The following DAW1 variants were observed in gnomAD, a reference collection of about 807,000 sequenced individuals.
DAW1 encodes dynein assembly factor with WD repeat domains 1.
A neutral mutation model predicts 56.5 loss-of-function variants in DAW1; 47 were observed. That is an observed-to-expected ratio of 0.83 (90% confidence interval 0.66 to 1.06). DAW1 has a LOEUF of 1.06. Ranked by LOEUF, DAW1 falls within the 50% of genes least tolerant of loss-of-function variation. The probability of loss-of-function intolerance (pLI) is 0.00; values close to 1 mark genes in which losing one functional copy is unlikely to be tolerated. For synonymous variants in DAW1, 190 were observed against 179.0 expected, an observed-to-expected ratio of 1.06 and a Z score of -0.49; for missense variants, 505 against 499.3, an observed-to-expected ratio of 1.01 and a Z score of -0.11.
intron 1 of DAW1, among the ~76,000 whole-genome samples, chr2:227,876,020 CTTT>C (rs5839239): frequency 2.0e-5 from 3 of 147,814 alleles, no homozygotes; most frequent in Non-Finnish European, 3.0e-5. Flanking sequence ...AGGATTCTCT[CTTT>C]TTTTTTTTTT....
chr2:227,913,881 A>ATCTATCTATCTATCTG (rs79833260), intron 10 of DAW1, among the ~76,000 whole-genome samples: 119 of 120,494 alleles, frequency 9.9e-4, no homozygotes, highest in African/African-American at 3.4e-3. Context: ...ATATCTATCT[A>ATCTATCTATCTATCTG]TCTGTCTGTC....
At chr2:227,896,472 CCA>C (rs1691408263) in intron 5 of DAW1, among the ~76,000 whole-genome samples, 1 of 152,082 alleles carries the variant, frequency 6.6e-6, no homozygotes. Flanking sequence ...ACCCACGTGT[CCA>C]ATCAGTTATC....
intron 8 of DAW1, 66 bp from the exon 9 acceptor site, chr2:227,906,170 C>A (rs1348056672): frequency 7.7e-7 from 1 of 1,295,862 alleles, no homozygotes; most frequent in African/African-American, 1.5e-5. Context: ...GGCTTGGCCT[C>A]ATTATTCATG....
Position 227,924,237 on chromosome 2 carries a change from C to G in DAW1, c.*269C>G, listed in dbSNP as rs146418507. The G allele has an allele frequency of 2.2e-6, 1 of 460,964 alleles. No individual in the cohort carries two copies. Among genetic ancestry groups the G allele is most frequent in the Admixed American group, 3.5e-5 (1 of 28,666 alleles). The allele number at this position is 460,964 out of a possible 1,614,324, so 28.6% of individuals were successfully genotyped here. On this transcript the variant is annotated 3_prime_UTR_variant, in exon 13 of 13. Transcript: ENST00000309931. ...TTCAGTTGTGTTTGTTTTTTAAAAG[C>G]ATTATGATACTGAAAAAGGAGACCA...
At chr2:227,911,265 T>C (rs1286292124) in intron 10 of DAW1, among the ~76,000 whole-genome samples, 2 of 147,490 alleles carry the variant, frequency 1.4e-5, no homozygotes, top group Admixed American at 6.8e-5. Context: ...CACGTGTATA[T>C]ACACATATAC....
rs1393164135 is a variant in DAW1 at position 227,889,900 on chromosome 2, C to A, written c.158C>A (p.Pro53His). 40 of 1,609,610 alleles carry A rather than the reference C, an allele frequency of 2.5e-5. No individual in the cohort carries two copies. Among genetic ancestry groups the A allele is most frequent in the Non-Finnish European group, 3.3e-5 (39 of 1,178,496 alleles). Residue 53 changes from proline (P) to histidine (H), a missense_variant, in exon 3 of 13, where the codon CCT becomes CAT. Transcript: ENST00000309931. ...ALVEEIQKAE[P>H]LLTASRTEQV... Reference sequence around the variant, plus strand: ...GTAGAAGAAATCCAGAAGGCAGAACCTCTACTCACAGCTTCACGAACAGAG... The same window carrying A: ...GTAGAAGAAATCCAGAAGGCAGAACATCTACTCACAGCTTCACGAACAGAG...
chr2:227,889,883 A>C lies in DAW1; in HGVS notation c.141A>C (p.Glu47Asp), dbSNP rs1691220310. Reference sequence around the variant, plus strand: ...CTGATGTCAGTGCGTTAGTAGAAGAAATCCAGAAGGCAGAACCTCTACTCA... The same window carrying C: ...CTGATGTCAGTGCGTTAGTAGAAGACATCCAGAAGGCAGAACCTCTACTCA... ...PSTDVSALVE[E>D]IQKAEPLLTA... Residue 47 changes from glutamate to aspartate, a missense_variant, in exon 3 of 13, where the codon GAA (glutamate) becomes GAC (aspartate). Coordinates refer to ENST00000309931, the MANE Select transcript of DAW1 (RefSeq NM_178821.3). 4 of 1,603,880 alleles carry C rather than the reference A, an allele frequency of 2.5e-6. No individual in the cohort carries two copies. Among genetic ancestry groups the C allele is most frequent in the Non-Finnish European group, 1.7e-6 (2 of 1,176,968 alleles).
At chr2:227,918,351 A>G (rs1311108802) in intron 10 of DAW1, among the ~76,000 whole-genome samples, 1 of 152,186 alleles carries the variant, frequency 6.6e-6, no homozygotes, top group Non-Finnish European at 1.5e-5. Flanking sequence ...TTGCCTGTTG[A>G]GTAGCGGCTG....
chr2:227,908,895 A>G (rs941250096), intron 10 of DAW1, among the ~76,000 whole-genome samples: 1 of 152,200 alleles, frequency 6.6e-6, no homozygotes, highest in Non-Finnish European at 1.5e-5. Context: ...GAAGATACAG[A>G]TGATGCTAAA....
At chr2:227,875,395 T>C (rs57315890) in intron 1 of DAW1, among the ~76,000 whole-genome samples, 72,956 of 151,848 alleles carry the variant, frequency 0.48, 17,738 homozygotes, top group Admixed American at 0.58. Flanking sequence ...TCTCAGCTCG[T>C]TTAAAGTAAA....
intron 5 of DAW1, chr2:227,895,360 G>A (rs1691382486): frequency 6.6e-6 from 1 of 152,150 alleles, no homozygotes; most frequent in African/African-American, 2.4e-5. Context: ...GATTGCACAT[G>A]CTAAATGAAT....
intron 1 of DAW1, chr2:227,876,301 T>G: frequency 1.7e-6 from 1 of 595,098 alleles, no homozygotes; most frequent in Middle Eastern, 3.4e-4. Flanking sequence ...ATGACAGGCG[T>G]GAGCCACTGT....
At chr2:227,923,798 C>A in intron 12 of DAW1, 136 bp from the exon 13 acceptor site, 1 of 967,534 alleles carries the variant, frequency 1.0e-6, no homozygotes, top group Non-Finnish European at 1.6e-6. Context: ...AGAGACTCTG[C>A]AGCTAGGCGC....
Position 227,891,402 on chromosome 2 carries a change from T to C in DAW1, c.317+89T>C, listed in dbSNP as rs1036387014. The stretch of plus-strand genomic sequence containing the variant: ...AGATTCCAGTTAGATAAGTACATAA[T>C]ATATTCATTTTTCTGATTTCAGTAC... On this transcript the variant is annotated intron_variant, in intron 4 of 12. Transcript: ENST00000309931. The C allele has an allele frequency of 4.4e-6, 5 of 1,132,934 alleles. No individual in the cohort carries two copies. The Admixed American group carries it at 7.7e-5, about 18-fold the overall frequency. 70.2% of individuals were successfully genotyped at this position (1,132,934 alleles called of 1,614,324 possible).
chr2:227,917,560 G>C (rs1343814109), intron 10 of DAW1, among the ~76,000 whole-genome samples: 1 of 143,652 alleles, frequency 7.0e-6, no homozygotes, highest in African/African-American at 2.5e-5. Context: ...GCGCCCAGCC[G>C]ATTTTTTTGT....
intron 8 of DAW1, among the ~76,000 whole-genome samples, chr2:227,905,620 G>A (rs1278302400): frequency 6.6e-6 from 1 of 152,306 alleles, no homozygotes; most frequent in African/African-American, 2.4e-5. Flanking sequence ...AACCAGGGGT[G>A]CACTCACCCG....
intron 10 of DAW1, among the ~76,000 whole-genome samples, chr2:227,908,291 G>A (rs1326348590): frequency 1.3e-5 from 2 of 152,142 alleles, no homozygotes; most frequent in Non-Finnish European, 2.9e-5. Flanking sequence ...GGCCATATCT[G>A]CATCATATCC....
At chr2:227,922,089 G>T (rs558842593) in intron 12 of DAW1, among the ~76,000 whole-genome samples, 1 of 152,216 alleles carries the variant, frequency 6.6e-6, no homozygotes, top group African/African-American at 2.4e-5. Context: ...GGAGTTGGAG[G>T]CTTCAGTGAG....
chr2:227,909,708 C>T (rs1298467720), intron 10 of DAW1, among the ~76,000 whole-genome samples: 2 of 152,070 alleles, frequency 1.3e-5, no homozygotes, highest in Non-Finnish European at 2.9e-5. Context: ...GATCTGAGAA[C>T]CAGAAGCTCG....
Sources: gnomAD v4.1 joint callset for allele counts (sites outside exome capture counted in the v4.1 genomes callset) on GRCh38, gnomAD v4.1.1 for gene constraint, MANE v1.5 for transcripts, NCBI Gene and HGNC (gene_info 2026-07-23, HGNC 2026-07-21) for gene names.